Variants in RALYL observed in about 807,000 individuals in gnomAD.
The protein encoded by RALYL is RNA-binding Raly-like protein.
A neutral mutation model predicts 35.1 loss-of-function variants in RALYL; 29 were observed. That is an observed-to-expected ratio of 0.83 (90% CI 0.61 to 1.13). The LOEUF (loss-of-function observed/expected upper bound fraction) is 1.13, where lower values mean the gene tolerates loss of function less well. RALYL is among the 50% of genes most tolerant of loss of function. RALYL has a pLI of 0.00. For missense variants in RALYL, 359 were observed against 360.4 expected (o/e 1.00, Z 0.03); for synonymous variants, 120 against 127.6 (o/e 0.94, Z 0.40).
chr8:84,253,286 T>C (rs966906334), intron 1 of RALYL, among the ~76,000 whole-genome samples: 1 of 146,024 alleles, frequency 6.8e-6, no homozygotes, highest in Non-Finnish European at 1.5e-5. Flanking sequence ...ACCTTCCGGG[T>C]TCAAGCTATT....
intron 3 of RALYL, among the ~76,000 whole-genome samples, chr8:84,785,923 C>T (rs971500074): frequency 6.6e-6 from 1 of 152,180 alleles, no homozygotes; most frequent in African/African-American, 2.4e-5. Flanking sequence ...CCTATCAACC[C>T]ATCACCTAGG....
intron 2 of RALYL, among the ~76,000 whole-genome samples, chr8:84,647,196 A>C (rs1827681770): frequency 6.6e-6 from 1 of 152,092 alleles, no homozygotes; most frequent in Non-Finnish European, 1.5e-5. Flanking sequence ...AAGTTATATT[A>C]AACAAAGCCT....
chr8:84,326,976 C>A (rs2130592073), intron 1 of RALYL, among the ~76,000 whole-genome samples: 1 of 152,308 alleles, frequency 6.6e-6, no homozygotes, highest in Non-Finnish European at 1.5e-5. Flanking sequence ...GGGCAACTAG[C>A]TGTCTCTGCC....
At chr8:84,467,562 A>T (rs937468916) in intron 1 of RALYL, among the ~76,000 whole-genome samples, 9 of 149,794 alleles carry the variant, frequency 6.0e-5, no homozygotes, top group Admixed American at 4.0e-4. Context: ...TTTACTTCCA[A>T]GTATGTGGTC....
In RALYL at chr8:84,645,293, A is replaced by C. The variant is rs555589320; in HGVS notation, c.256+115716A>C. 1.4e-3 allele frequency among the ~76,000 whole-genome samples: 208 copies of C among 151,742 alleles called. 1 individual carries two copies. Among genetic ancestry groups the C allele is most frequent in the Non-Finnish European group, 2.5e-3 (167 of 67,872 alleles). ...ATTTAACTTGTTTATACTACATTTT[A>C]ACTTGTTTATACTATATATTTATAC... On this transcript the variant is annotated intron_variant, in intron 2 of 8. Coordinates refer to ENST00000521268, the MANE Select transcript of RALYL (RefSeq NM_173848.7).
At chr8:84,911,981 C>A (rs1847580780) in intron 8 of RALYL, among the ~76,000 whole-genome samples, 2 of 152,062 alleles carry the variant, frequency 1.3e-5, no homozygotes, top group Non-Finnish European at 2.9e-5. Context: ...GCTATTTTCA[C>A]CAAGTGAGAA....
intron 2 of RALYL, among the ~76,000 whole-genome samples, chr8:84,658,709 TA>T (rs1299205672): frequency 6.6e-6 from 1 of 151,858 alleles, no homozygotes; most frequent in African/African-American, 2.4e-5. Context: ...TAAAAAGATA[TA>T]AATAAGGAAA....
chr8:84,328,118 G>A (rs536120753), intron 1 of RALYL, among the ~76,000 whole-genome samples: 1 of 152,212 alleles, frequency 6.6e-6, no homozygotes, highest in African/African-American at 2.4e-5. Context: ...ATTAATTATT[G>A]GGAATTATAT....
At chr8:84,377,311 C>G (rs1186344425) in intron 1 of RALYL, among the ~76,000 whole-genome samples, 3 of 151,330 alleles carry the variant, frequency 2.0e-5, no homozygotes, top group African/African-American at 7.3e-5. Context: ...TTGTGGCCCT[C>G]AAAATATCAT....
chr8:84,224,570 T>C (rs1823359465), intron 1 of RALYL, among the ~76,000 whole-genome samples: 1 of 152,170 alleles, frequency 6.6e-6, no homozygotes, highest in African/African-American at 2.4e-5. Flanking sequence ...AAATTATATA[T>C]TTAAGCTAAG....
chr8:84,585,960 G>T (rs192553334), intron 2 of RALYL, among the ~76,000 whole-genome samples: 233 of 152,178 alleles, frequency 1.5e-3, no homozygotes, highest in African/African-American at 5.1e-3. Flanking sequence ...ACTTTGGGAG[G>T]CCGAGGCAGG....
At chr8:84,646,295 A>G (rs1233013038) in intron 2 of RALYL, among the ~76,000 whole-genome samples, 1 of 151,600 alleles carries the variant, frequency 6.6e-6, no homozygotes, top group Non-Finnish European at 1.5e-5. Flanking sequence ...TTACTTTTCA[A>G]TTCTGATATT....
At chr8:84,293,345 C>A (rs573379648) in intron 1 of RALYL, among the ~76,000 whole-genome samples, 1 of 152,232 alleles carries the variant, frequency 6.6e-6, no homozygotes, top group South Asian at 2.1e-4. Flanking sequence ...GTTCCCAAAT[C>A]CTCTGGTCCT....
At chr8:84,328,127 A>T (rs1248622744) in intron 1 of RALYL, among the ~76,000 whole-genome samples, 1 of 152,170 alleles carries the variant, frequency 6.6e-6, no homozygotes, top group Non-Finnish European at 1.5e-5. Flanking sequence ...TGGGAATTAT[A>T]TTGGCTGTAT....
At chr8:84,297,715 G>A (rs1237645824) in intron 1 of RALYL, among the ~76,000 whole-genome samples, 1 of 151,954 alleles carries the variant, frequency 6.6e-6, no homozygotes, top group Non-Finnish European at 1.5e-5. Flanking sequence ...AGCATCTTTT[G>A]TCCCCTGACT....
intron 1 of RALYL, among the ~76,000 whole-genome samples, chr8:84,379,324 C>A (rs1857496931): frequency 6.6e-6 from 1 of 151,886 alleles, no homozygotes; most frequent in South Asian, 2.1e-4. Context: ...TCGTTTTTCA[C>A]AGGTTTAAAT....
intron 8 of RALYL, among the ~76,000 whole-genome samples, chr8:84,901,182 G>C (rs1289142166): frequency 6.6e-6 from 1 of 152,128 alleles, no homozygotes; most frequent in Non-Finnish European, 1.5e-5. Flanking sequence ...CCAAGGGGCA[G>C]AGGAAAAATT....
chr8:84,878,923 G>T (rs544849429), intron 7 of RALYL, among the ~76,000 whole-genome samples: 2 of 152,076 alleles, frequency 1.3e-5, no homozygotes, highest in Non-Finnish European at 2.9e-5. Flanking sequence ...ACCTATGTGG[G>T]AACCCAAGGC....
intron 2 of RALYL, among the ~76,000 whole-genome samples, chr8:84,734,722 A>C (rs1300814813): frequency 3.3e-5 from 5 of 152,128 alleles, no homozygotes; most frequent in Non-Finnish European, 5.9e-5. Context: ...TCTATGAAAT[A>C]GGAAAAAAAA....
Sources: allele counts gnomAD v4.1 joint callset (sites outside exome capture counted in the v4.1 genomes callset), GRCh38; gene constraint gnomAD v4.1.1; transcripts MANE v1.5; gene names NCBI Gene and HGNC (gene_info 2026-07-23, HGNC 2026-07-21).